LACTBL1: variants seen among roughly 807,000 people sequenced by gnomAD.
LACTBL1 encodes the protein beta-lactamase-like protein 1.
A neutral mutation model predicts 39.6 loss-of-function variants in LACTBL1; 29 were observed. The observed-to-expected ratio is 0.73, with a 90% confidence interval of 0.55 to 1.00. The LOEUF is 1.00. LACTBL1 is among the 50% of genes least tolerant of loss of function. The pLI is 0.00. For synonymous variants in LACTBL1, 361 were observed against 360.7 expected (o/e 1.00, Z -0.01); for missense variants, 711 against 748.5 (o/e 0.95, Z 0.59).
upstream of LACTBL1, chr1:22,965,453 T>A: frequency 8.1e-7 from 1 of 1,236,554 alleles, no homozygotes; most frequent in Non-Finnish European, 1.0e-6. Flanking sequence ...TAAGGTACAG[T>A]CCCCTTGGGG....
chr1:22,953,504 C>T (rs1372975294), exon 6 of LACTBL1: 1 of 1,232,746 alleles, frequency 8.1e-7, no homozygotes, highest in Non-Finnish European at 1.0e-6. Flanking sequence ...AGGTCGGGCC[C>T]GGGCGGCCGT....
the LACTBL1 span, among the ~76,000 whole-genome samples, chr1:22,972,051 A>G: frequency 6.6e-6 from 1 of 152,106 alleles, no homozygotes; most frequent in African/African-American, 2.4e-5. Flanking sequence ...AAAAAGGAAG[A>G]GGAGTTAGTT....
intron 1 of LACTBL1, 120 bp downstream of exon 3, chr1:22,965,170 G>A: frequency 1.1e-6 from 1 of 877,078 alleles, no homozygotes; most frequent in Non-Finnish European, 1.5e-6. Flanking sequence ...ATGGAGTCCA[G>A]AGCTTCTGAG....
the LACTBL1 span, among the ~76,000 whole-genome samples, chr1:22,970,948 A>G: frequency 6.6e-6 from 1 of 152,172 alleles, no homozygotes; most frequent in Non-Finnish European, 1.5e-5. Context: ...GTAACCCCAG[A>G]TACAAAGGAG....
At chr1:22,961,816 G>A (rs1244280568) in intron 2 of LACTBL1, among the ~76,000 whole-genome samples, 2 of 151,356 alleles carry the variant, frequency 1.3e-5, no homozygotes, top group East Asian at 2.0e-4. Flanking sequence ...GCACGATCTC[G>A]GCTCACTGCA....
exon 6 of LACTBL1, chr1:22,953,314 C>G (rs1040146717): frequency 1.6e-6 from 2 of 1,226,002 alleles, no homozygotes; most frequent in Non-Finnish European, 1.0e-6. Flanking sequence ...CACGCGCGGC[C>G]CGAACTGGCG....
chr1:22,970,170 T>C (rs971447345), upstream of LACTBL1, among the ~76,000 whole-genome samples: 1 of 152,228 alleles, frequency 6.6e-6, no homozygotes, highest in African/African-American at 2.4e-5. Context: ...GAAATCATCT[T>C]TGGTCATAAT....
upstream of LACTBL1, among the ~76,000 whole-genome samples, chr1:22,969,092 T>G (rs1165443739): frequency 1.3e-5 from 2 of 152,192 alleles, no homozygotes; most frequent in African/African-American, 4.8e-5. Context: ...ATTACAGTAT[T>G]TTTGAATAGG....
intron 1 of LACTBL1, among the ~76,000 whole-genome samples, chr1:22,964,865 G>C (rs148023550): frequency 0.014 from 2,115 of 152,284 alleles, 32 homozygotes; most frequent in African/African-American, 0.045. Flanking sequence ...TCCAAGGCTT[G>C]GCAGCTGCTG....
exon 6 of LACTBL1, chr1:22,953,883 G>C (rs1036972011): frequency 3.9e-6 from 6 of 1,549,408 alleles, no homozygotes; most frequent in Middle Eastern, 3.3e-4. Context: ...CGCGCACGTC[G>C]GGCGTGAGGT....
exon 6 of LACTBL1, chr1:22,953,947 C>A (rs977680751): frequency 1.3e-6 from 2 of 1,550,194 alleles, no homozygotes; most frequent in Admixed American, 2.0e-5. Flanking sequence ...CGAGACCCAG[C>A]GCTGGTAGTC....
the LACTBL1 span, among the ~76,000 whole-genome samples, chr1:22,970,669 G>A: frequency 1.3e-5 from 2 of 152,166 alleles, no homozygotes; most frequent in African/African-American, 2.4e-5. Context: ...AAATTGCCAG[G>A]CATGCTGGCA....
chr1:22,969,303 G>A (rs1179411230), upstream of LACTBL1, among the ~76,000 whole-genome samples: 1 of 152,050 alleles, frequency 6.6e-6, no homozygotes, highest in Non-Finnish European at 1.5e-5. Context: ...TTTCCATTTG[G>A]ATAATCAATA....
intron 2 of LACTBL1, among the ~76,000 whole-genome samples, chr1:22,962,131 C>T (rs969058496): frequency 2.1e-4 from 32 of 152,128 alleles, no homozygotes; most frequent in African/African-American, 6.3e-4. Context: ...ATGGCAATGG[C>T]GCATTCCAGG....
chr1:22,959,788 C>G (rs1027880458), intron 3 of LACTBL1, among the ~76,000 whole-genome samples, 154 bp downstream of exon 5: 1 of 152,190 alleles, frequency 6.6e-6, no homozygotes, highest in Non-Finnish European at 1.5e-5. Context: ...CTCTGGACTT[C>G]GGTCTCCTCT....
chr1:22,962,233 C>T (rs1408468479), intron 2 of LACTBL1, among the ~76,000 whole-genome samples: 1 of 152,148 alleles, frequency 6.6e-6, no homozygotes, highest in Admixed American at 6.5e-5. Flanking sequence ...CTGCTCTCTC[C>T]CCTTCACAAA....
intron 2 of LACTBL1, 46 bp downstream of exon 4, chr1:22,963,061 C>G: frequency 9.1e-7 from 1 of 1,095,548 alleles, no homozygotes; most frequent in Non-Finnish European, 1.2e-6. Flanking sequence ...CCTTCATCAC[C>G]CAGGCCCAGC....
intron 3 of LACTBL1, among the ~76,000 whole-genome samples, chr1:22,959,720 C>T (rs905246215): frequency 1.3e-5 from 2 of 152,214 alleles, no homozygotes; most frequent in African/African-American, 4.8e-5. Context: ...AGAAGGGATT[C>T]CTTCCTGACC....
exon 6 of LACTBL1, chr1:22,953,229 C>T: frequency 2.4e-6 from 3 of 1,232,080 alleles, no homozygotes; most frequent in Middle Eastern, 3.1e-4. Context: ...ACTCGTGGGC[C>T]ACGTGCAGCT....
Sources: allele counts gnomAD v4.1 joint callset (sites outside exome capture counted in the v4.1 genomes callset), GRCh38; gene constraint gnomAD v4.1.1; transcripts MANE v1.5; gene names NCBI Gene and HGNC (gene_info 2026-07-23, HGNC 2026-07-21).